Variants in RORB observed in about 807,000 individuals in gnomAD.
The protein encoded by RORB is nuclear receptor ROR-beta.
In RORB, 6 loss-of-function variants were observed where a neutral mutation model predicts 59.1. That is an observed-to-expected ratio of 0.10 (90% CI 0.06 to 0.20). The LOEUF (loss-of-function observed/expected upper bound fraction) is 0.20, where lower values mean the gene tolerates loss of function less well. Ranked by LOEUF, RORB falls within the 10% of genes least tolerant of loss-of-function variation. The pLI is 1.00. For missense variants in RORB, 320 were observed against 560.5 expected, an observed-to-expected ratio of 0.57 and a Z score of 4.33; for synonymous variants, 215 against 204.5, an observed-to-expected ratio of 1.05 and a Z score of -0.44.
intron 1 of RORB, among the ~76,000 whole-genome samples, chr9:74,582,898 G>C (rs1474177999): frequency 2.0e-5 from 3 of 152,142 alleles, no homozygotes; most frequent in Non-Finnish European, 2.9e-5. Flanking sequence ...TTTTTGGTAG[G>C]TGTCAAAATT....
intron 8 of RORB, among the ~76,000 whole-genome samples, chr9:74,670,149 T>C (rs959537577): frequency 7.2e-5 from 11 of 152,316 alleles, no homozygotes; most frequent in African/African-American, 2.6e-4. Flanking sequence ...AGAATACTTT[T>C]CTCTGTTAGC....
intron 9 of RORB, among the ~76,000 whole-genome samples, chr9:74,680,033 G>A (rs1420899763): frequency 1.3e-5 from 2 of 152,236 alleles, no homozygotes; most frequent in Non-Finnish European, 1.5e-5. Flanking sequence ...AACCCGGGAG[G>A]TGGAAGTTGC....
At chr9:74,584,443 A>G (rs1314933629) in intron 1 of RORB, among the ~76,000 whole-genome samples, 1 of 152,234 alleles carries the variant, frequency 6.6e-6, no homozygotes, top group East Asian at 1.9e-4. Context: ...AAATGAGATA[A>G]TAGATAAAAC....
intron 4 of RORB, among the ~76,000 whole-genome samples, chr9:74,652,532 A>AT (rs931993926): frequency 3.9e-5 from 6 of 151,924 alleles, no homozygotes; most frequent in East Asian, 1.9e-4. Context: ...TGATTTTTTA[A>AT]TTTTTTTTCC....
intron 1 of RORB, among the ~76,000 whole-genome samples, chr9:74,617,466 C>T (rs1823331948): frequency 6.6e-6 from 1 of 152,206 alleles, no homozygotes; most frequent in African/African-American, 2.4e-5. Context: ...CTTACATAAA[C>T]ACCGAATAAA....
Position 74,662,366 on chromosome 9 carries a change from C to T in RORB, c.760-108C>T, listed in dbSNP as rs888978001. 3 of 1,033,962 alleles carry T rather than the reference C, an allele frequency of 2.9e-6. No individual in the cohort carries two copies. The East Asian group carries it at 7.2e-5, about 25-fold the overall frequency. 64.0% of individuals were successfully genotyped at this position (1,033,962 alleles called of 1,614,324 possible). A position where few individuals can be genotyped will look rare whatever the true frequency, so the allele number is the denominator to read the frequency against. ...TTTAAAGGAATCATATAAATTCCCT[C>T]CTTTGGCCCCAAGTGACAGATAAGC... On this transcript the variant is annotated intron_variant, in intron 5 of 9. Transcript: ENST00000376896.
intron 1 of RORB, among the ~76,000 whole-genome samples, chr9:74,523,540 T>C (rs1342650999): frequency 6.6e-6 from 1 of 151,936 alleles, no homozygotes; most frequent in Non-Finnish European, 1.5e-5. Context: ...GATTTAAAAG[T>C]ATGATTGTCC....
chr9:74,581,833 T>TGCCACAATTTTATGGC (rs1822729280), intron 1 of RORB, among the ~76,000 whole-genome samples: 1 of 152,208 alleles, frequency 6.6e-6, no homozygotes, highest in Non-Finnish European at 1.5e-5. Flanking sequence ...TATTACATTA[T>TGCCACAATTTTATGGC]ATATTTTATG....
intron 1 of RORB, among the ~76,000 whole-genome samples, chr9:74,611,539 T>A (rs1349982484): frequency 1.3e-5 from 2 of 152,148 alleles, no homozygotes; most frequent in Non-Finnish European, 2.9e-5. Flanking sequence ...AAAACACAAG[T>A]TAGGGGAAAT....
rs1404676717 is a variant in RORB at position 74,688,375 on chromosome 9, C to G, written c.*2757C>G. The G allele has an allele frequency of 6.6e-6, 1 of 152,178 alleles. No individual in the cohort carries two copies. The highest frequency in any genetic ancestry group is 1.5e-5 in the Non-Finnish European group (1 of 68,034). The allele number at this position is 152,178 out of a possible 1,614,324, so 9.4% of individuals were successfully genotyped here. ...CCTTAAAAAGCTGCCCTTCGAAGATCTCCTATGACTGCATGTCAAGGTATT... is the reference window on the plus strand; with the variant it reads ...CCTTAAAAAGCTGCCCTTCGAAGATGTCCTATGACTGCATGTCAAGGTATT... On this transcript the variant is annotated 3_prime_UTR_variant, in exon 10 of 10. Transcript: ENST00000376896.
intron 1 of RORB, among the ~76,000 whole-genome samples, chr9:74,563,923 T>C (rs180726837): frequency 1.3e-5 from 2 of 152,338 alleles, no homozygotes; most frequent in East Asian, 3.9e-4. Flanking sequence ...AGACCAGTGA[T>C]GTGCTTCATA....
chr9:74,670,819 T>C (rs1203315934), intron 8 of RORB, among the ~76,000 whole-genome samples: 1 of 152,198 alleles, frequency 6.6e-6, no homozygotes, highest in East Asian at 1.9e-4. Context: ...TTGACAATTG[T>C]CACTGAAAGC....
At chr9:74,650,313 G>C (rs1404898648) in intron 4 of RORB, among the ~76,000 whole-genome samples, 1 of 152,190 alleles carries the variant, frequency 6.6e-6, no homozygotes, top group East Asian at 1.9e-4. Context: ...TTTTCCACTG[G>C]CTGGGGTGAA....
intron 1 of RORB, among the ~76,000 whole-genome samples, chr9:74,590,682 C>T (rs1822872610): frequency 6.6e-6 from 1 of 152,200 alleles, no homozygotes; most frequent in Non-Finnish European, 1.5e-5. Context: ...CACAAGGCCC[C>T]AAGGGGGATT....
chr9:74,681,250 A>T (rs1000177307), intron 9 of RORB, among the ~76,000 whole-genome samples: 2 of 152,068 alleles, frequency 1.3e-5, no homozygotes, highest in African/African-American at 2.4e-5. Flanking sequence ...CTCCCTTTGA[A>T]ATGGGGGTCC....
chr9:74,642,534 C>A lies in RORB; in HGVS notation c.356C>A (p.Ala119Asp). 6.2e-7 allele frequency: 1 copy of A among 1,614,190 alleles called. No homozygotes were observed. The highest frequency in any genetic ancestry group is 2.2e-5 in the East Asian group (1 of 44,878). The stretch of plus-strand genomic sequence containing the variant: ...CAGAGTGGGGAGGCAGAAGCCCTTG[C>A]CAGGGTGTACAGCAGCAGCATTAGC... ...QQQSGEAEAL[A>D]RVYSSSISNG... is the part of the protein sequence containing the mutation. Residue 119 changes from alanine to aspartate, a missense_variant, in exon 4 of 10, where the codon GCC becomes GAC. Ala to Asp is a moderately radical substitution (Grantham distance 126, BLOSUM62 -2). Transcript: ENST00000376896.
intron 1 of RORB, among the ~76,000 whole-genome samples, chr9:74,583,489 G>T (rs1039933290): frequency 1.2e-4 from 18 of 151,768 alleles, no homozygotes; most frequent in Non-Finnish European, 2.2e-4. Flanking sequence ...CCCAAATTAG[G>T]TTACTAATTT....
At chr9:74,522,260 A>T (rs928000896) in intron 1 of RORB, among the ~76,000 whole-genome samples, 21 of 151,744 alleles carry the variant, frequency 1.4e-4, no homozygotes, top group African/African-American at 4.1e-4. Context: ...CATTGTGTTG[A>T]ACTTATTGAT....
intron 1 of RORB, among the ~76,000 whole-genome samples, chr9:74,561,186 T>C (rs558809117): frequency 2.6e-5 from 4 of 152,246 alleles, no homozygotes; most frequent in South Asian, 2.1e-4. Flanking sequence ...GAGGTCTTCA[T>C]TGAGTCTCTC....
Sources: gnomAD v4.1 joint callset for allele counts (sites outside exome capture counted in the v4.1 genomes callset) on GRCh38, gnomAD v4.1.1 for gene constraint, MANE v1.5 for transcripts, NCBI Gene and HGNC (gene_info 2026-07-23, HGNC 2026-07-21) for gene names.